DLG2: variants seen among roughly 807,000 people sequenced by gnomAD.
DLG2 encodes the protein disks large homolog 2.
In DLG2, 45 loss-of-function variants were observed where a neutral mutation model predicts 132.5. That is an observed-to-expected ratio of 0.34 (90% confidence interval 0.27 to 0.44). The LOEUF is 0.44. DLG2 is among the 20% of genes least tolerant of loss of function. The pLI is 1.00. For synonymous variants in DLG2, 424 were observed against 419.6 expected (o/e 1.01, Z -0.13); for missense variants, 1,045 against 1,196.9 (o/e 0.87, Z 1.87).
chr11:84,664,914 T>A (rs2099698347), intron 6 of DLG2, among the ~76,000 whole-genome samples: 1 of 152,164 alleles, frequency 6.6e-6, no homozygotes, highest in Non-Finnish European at 1.5e-5. Flanking sequence ...GATTTGGAGT[T>A]TGGCCACGGT....
chr11:85,071,560 T>C (rs2065869974), intron 6 of DLG2, among the ~76,000 whole-genome samples: 1 of 151,858 alleles, frequency 6.6e-6, no homozygotes, highest in African/African-American at 2.4e-5. Flanking sequence ...CCTTACTTTC[T>C]CTGGAAATAT....
chr11:84,091,350 G>T (rs2154170127), intron 10 of DLG2, among the ~76,000 whole-genome samples: 1 of 152,236 alleles, frequency 6.6e-6, no homozygotes, highest in Non-Finnish European at 1.5e-5. Flanking sequence ...CACATCTCCA[G>T]CCAGTAGAGG....
intron 4 of DLG2, among the ~76,000 whole-genome samples, chr11:85,236,635 G>C (rs970602943): frequency 6.6e-6 from 1 of 151,990 alleles, no homozygotes; most frequent in Admixed American, 6.6e-5. Flanking sequence ...ACATAATTTA[G>C]TGTTTAACAC....
At chr11:83,581,626 T>C (rs1161024126) in intron 19 of DLG2, among the ~76,000 whole-genome samples, 2 of 152,198 alleles carry the variant, frequency 1.3e-5, no homozygotes, top group Non-Finnish European at 2.9e-5. Flanking sequence ...CTTTTTGTTT[T>C]TCCCCAGCAA....
At chr11:84,899,053 A>G (rs2090559335) in intron 6 of DLG2, among the ~76,000 whole-genome samples, 1 of 152,066 alleles carries the variant, frequency 6.6e-6, no homozygotes, top group African/African-American at 2.4e-5. Flanking sequence ...TGAATGAGTG[A>G]GTGACTTAAA....
intron 3 of DLG2, among the ~76,000 whole-genome samples, chr11:85,291,846 A>G (rs565514535): frequency 1.8e-4 from 27 of 152,082 alleles, no homozygotes; most frequent in Non-Finnish European, 3.5e-4. Flanking sequence ...CAGCCTCCCA[A>G]AGTGCTGGGA....
chr11:84,281,951 G>C (rs556971995), intron 7 of DLG2, among the ~76,000 whole-genome samples: 5 of 152,218 alleles, frequency 3.3e-5, no homozygotes, highest in African/African-American at 1.2e-4. Context: ...TTTGGAAACA[G>C]GTCAGTATTT....
chr11:83,647,911 A>G (rs1034849806), intron 18 of DLG2: 1 of 152,166 alleles, frequency 6.6e-6, no homozygotes, highest in African/African-American at 2.4e-5. Context: ...CTCTGTCATC[A>G]TCACATGTTC....
intron 18 of DLG2, among the ~76,000 whole-genome samples, chr11:83,766,733 C>T (rs1417889404): frequency 6.6e-6 from 1 of 152,080 alleles, no homozygotes; most frequent in Non-Finnish European, 1.5e-5. Context: ...ACTTGATTCT[C>T]TCATCATCTT....
At chr11:84,588,239 C>T (rs1017180010) in intron 6 of DLG2, among the ~76,000 whole-genome samples, 7 of 152,128 alleles carry the variant, frequency 4.6e-5, no homozygotes, top group Admixed American at 3.9e-4. Flanking sequence ...AGTTTGACTC[C>T]GCAATCCATG....
chr11:84,492,061 C>T (rs999980619), intron 7 of DLG2, among the ~76,000 whole-genome samples: 5 of 151,726 alleles, frequency 3.3e-5, no homozygotes, highest in Admixed American at 6.6e-5. Context: ...AAATTATGAC[C>T]GAACAGAATT....
At chr11:85,228,595 C>G (rs1225511983) in intron 4 of DLG2, among the ~76,000 whole-genome samples, 1 of 152,026 alleles carries the variant, frequency 6.6e-6, no homozygotes, top group Non-Finnish European at 1.5e-5. Context: ...TCTGATTATA[C>G]TTTTGCATTT....
chr11:83,878,601 T>A (rs1236962078), intron 15 of DLG2, among the ~76,000 whole-genome samples: 1 of 152,206 alleles, frequency 6.6e-6, no homozygotes, highest in Non-Finnish European at 1.5e-5. Context: ...ATGCTCAACT[T>A]CCACGTCAGT....
At chr11:83,883,834 C>A (rs1354869355) in intron 15 of DLG2, among the ~76,000 whole-genome samples, 1 of 151,200 alleles carries the variant, frequency 6.6e-6, no homozygotes, top group Non-Finnish European at 1.5e-5. Flanking sequence ...CCCCACAGAC[C>A]ATTCTTCACA....
chr11:85,067,854 A>G (rs937863410), intron 6 of DLG2, among the ~76,000 whole-genome samples: 2 of 152,106 alleles, frequency 1.3e-5, no homozygotes, highest in Admixed American at 1.3e-4. Context: ...ACAAAAAAAG[A>G]GAATTTTGGA....
intron 3 of DLG2, among the ~76,000 whole-genome samples, chr11:85,362,599 T>C (rs1258315781): frequency 6.6e-6 from 1 of 150,566 alleles, no homozygotes; most frequent in Non-Finnish European, 1.5e-5. Context: ...TTTGGATGCC[T>C]TTTTTTTTAT....
intron 6 of DLG2, among the ~76,000 whole-genome samples, chr11:85,058,833 T>C (rs1442725883): frequency 6.6e-6 from 1 of 151,474 alleles, no homozygotes; most frequent in Non-Finnish European, 1.5e-5. Flanking sequence ...AAATGAATTG[T>C]GACCCCTTAC....
chr11:84,251,217 A>C (rs373853248), intron 8 of DLG2, 21 bp downstream of exon 8: 1 of 1,503,160 alleles, frequency 6.7e-7, no homozygotes, highest in African/African-American at 1.4e-5. Context: ...AAAAGAAGGT[A>C]GTAATGAAAA....
intron 6 of DLG2, among the ~76,000 whole-genome samples, chr11:84,654,506 A>C (rs1189258122): frequency 6.6e-6 from 1 of 152,188 alleles, no homozygotes; most frequent in Non-Finnish European, 1.5e-5. Context: ...TCTTCACAGG[A>C]TCATTAGTAG....
Sources: allele counts gnomAD v4.1 joint callset (sites outside exome capture counted in the v4.1 genomes callset), GRCh38; gene constraint gnomAD v4.1.1; transcripts MANE v1.5; gene names NCBI Gene and HGNC (gene_info 2026-07-23, HGNC 2026-07-21).